Variants in ERG observed in about 807,000 individuals in gnomAD.
ERG encodes ETS transcription factor ERG.
ERG carries 9 observed loss-of-function variants against 55.3 expected under a neutral mutation model. The ratio of observed to expected loss-of-function variants is 0.16; its 90% CI spans 0.10 to 0.28. The LOEUF (loss-of-function observed/expected upper bound fraction) is 0.28. Ranked by LOEUF, ERG falls within the 10% of genes least tolerant of loss-of-function variation. The pLI is 1.00. For synonymous variants in ERG, 223 were observed against 237.3 expected (o/e 0.94, Z 0.55); for missense variants, 434 against 631.6 (o/e 0.69, Z 3.35).
intron 2 of ERG, among the ~76,000 whole-genome samples, chr21:38,434,683 G>A (rs1026537847): frequency 1.3e-5 from 2 of 152,116 alleles, no homozygotes; most frequent in East Asian, 1.9e-4. Context: ...CTAACCTTTC[G>A]AGGCTCAACT....
chr21:38,500,150 T>A (rs549849700), upstream of ERG, among the ~76,000 whole-genome samples: 3 of 152,346 alleles, frequency 2.0e-5, no homozygotes. Context: ...CCTTGCTTTT[T>A]GTTCTCTCCT....
intron 1 of ERG, among the ~76,000 whole-genome samples, chr21:38,473,629 A>G (rs2059160245): frequency 6.6e-6 from 1 of 152,192 alleles, no homozygotes; most frequent in South Asian, 2.1e-4. Flanking sequence ...TTGTAATCTC[A>G]GAGAAAATAA....
chr21:38,374,406 T>C, the ERG span, among the ~76,000 whole-genome samples: 4 of 152,174 alleles, frequency 2.6e-5, no homozygotes, highest in African/African-American at 9.6e-5. Flanking sequence ...TACAGGGTAA[T>C]TGACAATGTG....
Position 38,494,645 on chromosome 21 carries a change from T to A in ERG, c.18+3718A>T, listed in dbSNP as rs970370433. Among the ~76,000 whole-genome samples the A allele has an allele frequency of 3.9e-5, 6 of 152,394 alleles. No individual in the cohort carries two copies. In the South Asian group the frequency reaches 1.2e-3, roughly 32 times the overall value. ...TCTGTTTTGCAAAACAAAAACTTTA[T>A]GAGATAATCACTTATAAACGTAGAT... is the stretch of plus-strand genomic sequence containing the variant. On this transcript the variant is annotated intron_variant, in intron 1 of 9. Transcript: ENST00000288319.
intron 1 of ERG, among the ~76,000 whole-genome samples, chr21:38,452,269 A>G (rs2146572873): frequency 6.6e-6 from 1 of 152,354 alleles, no homozygotes; most frequent in Admixed American, 6.5e-5. Flanking sequence ...ACACATACAC[A>G]TGCTTACATA....
At chr21:38,526,391 G>C (rs776626448) in intron 2 of ERG, among the ~76,000 whole-genome samples, 8 of 152,112 alleles carry the variant, frequency 5.3e-5, no homozygotes, top group African/African-American at 2.4e-5. Context: ...GTCTGAAGTA[G>C]TAACAACTGG....
intron 1 of ERG, among the ~76,000 whole-genome samples, chr21:38,648,589 C>T (rs1033547633): frequency 6.6e-6 from 1 of 152,140 alleles, no homozygotes; most frequent in East Asian, 1.9e-4. Context: ...AAGATTGCAC[C>T]GTGCTCATCG....
chr21:38,454,114 C>T (rs577882485), intron 1 of ERG, among the ~76,000 whole-genome samples: 9 of 152,238 alleles, frequency 5.9e-5, no homozygotes, highest in Admixed American at 1.3e-4. Flanking sequence ...CACTGTTATA[C>T]GTTACTCACG....
intron 2 of ERG, among the ~76,000 whole-genome samples, chr21:38,513,874 G>A (rs1262422028): frequency 6.6e-6 from 1 of 152,058 alleles, no homozygotes; most frequent in Non-Finnish European, 1.5e-5. Flanking sequence ...GATTAGTTAT[G>A]TGTAAGTCAC....
intron 3 of ERG, among the ~76,000 whole-genome samples, chr21:38,422,167 C>T (rs1989575403): frequency 6.6e-6 from 1 of 152,256 alleles, no homozygotes; most frequent in African/African-American, 2.4e-5. Flanking sequence ...TCCCTGAGGC[C>T]ATGACATTGG....
intron 1 of ERG, among the ~76,000 whole-genome samples, chr21:38,639,992 C>G (rs456457): frequency 0.34 from 52,353 of 151,920 alleles, 9,922 homozygotes; most frequent in East Asian, 0.65. Context: ...GCACCCTCCC[C>G]CACAACAAAA....
At chr21:38,436,454 T>C (rs752282922) in intron 2 of ERG, among the ~76,000 whole-genome samples, 1 of 152,188 alleles carries the variant, frequency 6.6e-6, no homozygotes, top group Non-Finnish European at 1.5e-5. Flanking sequence ...AACCTTGCTA[T>C]CCCTCTCAAT....
intron 2 of ERG, among the ~76,000 whole-genome samples, chr21:38,558,061 G>T (rs9978269): frequency 0.56 from 75,782 of 135,542 alleles, 20,777 homozygotes; most frequent in Non-Finnish European, 0.68. Flanking sequence ...CTAAGTTTTG[G>T]GGGGGGGTCC....
chr21:38,459,762 G>A (rs1431446090), intron 1 of ERG, among the ~76,000 whole-genome samples: 2 of 152,154 alleles, frequency 1.3e-5, no homozygotes, highest in Admixed American at 6.5e-5. Context: ...AATATGTACT[G>A]AACACCTTTT....
rs545258676 is a variant in ERG at position 38,425,209 on chromosome 21, C to G, written c.237-1648G>C. 1.9e-3 allele frequency among the ~76,000 whole-genome samples: 294 copies of G among 152,142 alleles called. 1 individual carries two copies. Among genetic ancestry groups the G allele is most frequent in the African/African-American group, 6.8e-3 (282 of 41,514 alleles). ...GACCAGCCTGATCAACATGGAGAAA[C>G]CCAGTCTTTACTAAAAATACAAAAT... On this transcript the variant is annotated intron_variant, in intron 2 of 9. Coordinates refer to ENST00000288319, the MANE Select transcript of ERG (RefSeq NM_182918.4).
In ERG at chr21:38,554,700, T is replaced by C. The variant is rs542887590; in HGVS notation, c.-41+20962A>G. 6.9e-4 allele frequency among the ~76,000 whole-genome samples: 105 copies of C among 152,162 alleles called. 3 individuals are homozygous for C. The South Asian group carries it at 0.02, about 29-fold the overall frequency. On this transcript the variant is annotated intron_variant, in intron 2 of 8. Coordinates refer to the ERG transcript ENST00000398897. The stretch of plus-strand genomic sequence containing the variant: ...GTGGAGGGTAGACGAAGGGTGAAGA[T>C]TGAAAAACTACCAATTGGGCACTAT...
chr21:38,560,522 C>G (rs1336934909), intron 2 of ERG, among the ~76,000 whole-genome samples: 2 of 152,202 alleles, frequency 1.3e-5, no homozygotes, highest in East Asian at 1.9e-4. Flanking sequence ...TGTACCTGGT[C>G]TGAGGCTCTC....
chr21:38,632,717 T>G (rs1216097739), intron 1 of ERG, among the ~76,000 whole-genome samples: 1 of 152,218 alleles, frequency 6.6e-6, no homozygotes, highest in Non-Finnish European at 1.5e-5. Context: ...ATGAGTCAAT[T>G]AAACCTCTTT....
intron 2 of ERG, among the ~76,000 whole-genome samples, chr21:38,545,747 A>T (rs1336228111): frequency 6.6e-6 from 1 of 152,202 alleles, no homozygotes; most frequent in Non-Finnish European, 1.5e-5. Flanking sequence ...CTTGGCTTCT[A>T]CTGAGCTCCA....
Sources: gnomAD v4.1 joint callset for allele counts (sites outside exome capture counted in the v4.1 genomes callset) on GRCh38, gnomAD v4.1.1 for gene constraint, MANE v1.5 for transcripts, NCBI Gene and HGNC (gene_info 2026-07-23, HGNC 2026-07-21) for gene names.